The following TBC1D16 variants were observed in gnomAD, a reference collection of about 807,000 sequenced individuals.
The protein encoded by TBC1D16 is TBC1 domain family member 16, also known as CTD-2529O21.1.
Under a neutral mutation model 74.7 loss-of-function variants are expected in TBC1D16, and 58 were observed. The observed-to-expected ratio is 0.78, with a 90% confidence interval of 0.63 to 0.97. The LOEUF is 0.97. Ranked by LOEUF, TBC1D16 falls within the 50% of genes least tolerant of loss-of-function variation. The pLI, the probability that TBC1D16 is intolerant of heterozygous loss-of-function variation, is 0.00. For synonymous variants in TBC1D16, 493 were observed against 474.7 expected (o/e 1.04, Z -0.50); for missense variants, 1,014 against 1,079.5 (o/e 0.94, Z 0.85).
chr17:80,011,632 G>A lies in TBC1D16; in HGVS notation c.182-875C>T, dbSNP rs534250111. Among the ~76,000 whole-genome samples the A allele has an allele frequency of 1.2e-4, 19 of 152,184 alleles. No homozygotes were observed. In the South Asian group the frequency reaches 2.7e-3, roughly 22 times the overall value. On this transcript the variant is annotated intron_variant, in intron 2 of 11. Coordinates refer to ENST00000310924, the MANE Select transcript of TBC1D16 (RefSeq NM_019020.4). ...ACGAGGTCAGGAGATCGAGACCATC[G>A]TGGCTAACATGGTGAAACCCTGTCT... is the stretch of plus-strand genomic sequence containing the variant.
At position 79,944,917 on chromosome 17, in the gene TBC1D16, G is replaced by A; in HGVS notation, c.1899C>T (p.Ala633=). 1 of 1,550,530 alleles carries A rather than the reference G, an allele frequency of 6.4e-7. No homozygotes were observed. Among genetic ancestry groups the A allele is most frequent in the Non-Finnish European group, 8.7e-7 (1 of 1,147,116 alleles). Residue 633 remains alanine (A), a synonymous_variant, in exon 10 of 12, where the codon GCC becomes GCT. Transcript: ENST00000310924. The surrounding 1 kb of genome is among the most constrained non-coding windows in gnomAD (Gnocchi z 7.7). The part of the protein sequence containing the change: ...EALRIWEACW[A]HYQTDYFHLF... ...CCCCTGCCCTGGTCACCTGGTAGTGGGCCCAGCAGGCCTCCCAGATCCGCA... is the reference window on the plus strand; with the variant it reads ...CCCCTGCCCTGGTCACCTGGTAGTGAGCCCAGCAGGCCTCCCAGATCCGCA...
intron 3 of TBC1D16, among the ~76,000 whole-genome samples, chr17:80,002,149 A>T (rs1014032713): frequency 1.3e-5 from 2 of 152,092 alleles, no homozygotes; most frequent in Non-Finnish European, 2.9e-5. Context: ...TCCTGCAAGG[A>T]TGCTTCCCAG....
chr17:79,992,632 C>T (rs2035113838), intron 3 of TBC1D16, among the ~76,000 whole-genome samples: 1 of 152,246 alleles, frequency 6.6e-6, no homozygotes, highest in Non-Finnish European at 1.5e-5. Flanking sequence ...CGACCACCCA[C>T]CCGGTTTTCG....
rs2034308876 is a variant in TBC1D16, at chr17:79,975,838, G to T, written c.780-23020C>A. On this transcript the variant is annotated intron_variant, in intron 3 of 11. Transcript: ENST00000310924. This position sits in a 1 kb window ranked among gnomAD's most constrained non-coding sequence, Gnocchi z 4.5. The stretch of plus-strand genomic sequence containing the variant: ...ATGAGCCCCACTTTGGAATGACGGG[G>T]TCTGTGCAGAGACCGGGCAGAGCTC... Among the ~76,000 whole-genome samples the T allele has an allele frequency of 6.6e-6, 1 of 152,224 alleles. No homozygotes were observed. The highest frequency in any genetic ancestry group is 2.4e-5 in the African/African-American group (1 of 41,446).
At position 80,013,460 on chromosome 17, in the gene TBC1D16, G is replaced by A. The variant is rs1427442124; in HGVS notation, c.88C>T (p.Pro30Ser). Residue 30 changes from proline (P) to serine (S), a missense_variant, in exon 2 of 12, where the codon CCC (proline) becomes TCC (serine). Coordinates refer to ENST00000310924, the MANE Select transcript of TBC1D16 (RefSeq NM_019020.4). ...LTPGGSGSGSPSVLDGEIIYS... is the reference protein window; with the variant it reads ...LTPGGSGSGSSSVLDGEIIYS... The stretch of plus-strand genomic sequence containing the variant: ...ATGATCTCTCCATCCAGGACAGAGG[G>A]GGACCCGCTGCCGCTGCCACCGGGG... 2 of 1,599,872 alleles carry A rather than the reference G, an allele frequency of 1.3e-6. No individual in the cohort carries two copies. Among genetic ancestry groups the A allele is most frequent in the African/African-American group, 1.3e-5 (1 of 74,744 alleles).
rs558635641 is a variant in TBC1D16, at chr17:79,949,665, A to C, written c.1406+52T>G. The C allele has an allele frequency of 2.1e-5, 33 of 1,575,052 alleles. No individual in the cohort carries two copies. The East Asian group carries it at 7.5e-4, about 36-fold the overall frequency. ...GCACCTCAAATTGCCTTTTCAAATG[A>C]CATTTTCCTCCGCGGCTCGGCGGGG... On this transcript the variant is annotated intron_variant, in intron 7 of 11. Coordinates refer to ENST00000310924, the MANE Select transcript of TBC1D16 (RefSeq NM_019020.4).
chr17:79,987,123 G>A lies in TBC1D16; in HGVS notation c.779+23037C>T, dbSNP rs2034871736. ...CAAGGCAGAACTGGCTGCCCACCAGGGGCAGGAGACTGGATGGTCTTTCCA... is the reference window on the plus strand; with the variant it reads ...CAAGGCAGAACTGGCTGCCCACCAGAGGCAGGAGACTGGATGGTCTTTCCA... On this transcript the variant is annotated intron_variant, in intron 3 of 11. Coordinates refer to ENST00000310924, the MANE Select transcript of TBC1D16 (RefSeq NM_019020.4). This position sits in a 1 kb window ranked among gnomAD's most constrained non-coding sequence, Gnocchi z 5.2. Among the ~76,000 whole-genome samples, 1 of 152,188 alleles carries A rather than the reference G, an allele frequency of 6.6e-6. No individual in the cohort carries two copies. The highest frequency in any genetic ancestry group is 2.4e-5 in the African/African-American group (1 of 41,450).
In TBC1D16 at chr17:79,944,852, G is replaced by A. The variant is rs111701116; in HGVS notation, c.1908+56C>T. The A allele has an allele frequency of 5.5e-3, 8,076 of 1,457,678 alleles. 379 individuals carry two copies. In the African/African-American group the frequency reaches 0.1, roughly 18 times the overall value. The allele number at this position is 1,457,678 out of a possible 1,614,324, so 90.3% of individuals were successfully genotyped here. On this transcript the variant is annotated intron_variant, in intron 10 of 11. Coordinates refer to ENST00000310924, the MANE Select transcript of TBC1D16 (RefSeq NM_019020.4). This position sits in a 1 kb window ranked among gnomAD's most constrained non-coding sequence, Gnocchi z 7.7. ...CAGGGGCAGCAGGCAGGGTGGCCAC[G>A]GTGGTTCAGGGGCCATGGTCCCAAC... is the stretch of plus-strand genomic sequence containing the variant.
At position 79,961,951 on chromosome 17, in the gene TBC1D16, C is replaced by T. The variant is rs935431358; in HGVS notation, c.780-9133G>A. Among the ~76,000 whole-genome samples the T allele has an allele frequency of 2.0e-5, 3 of 152,202 alleles. No individual in the cohort carries two copies. Among genetic ancestry groups the T allele is most frequent in the South Asian group, 4.2e-4 (2 of 4,818 alleles). ...ATCAACAGCCAATGCAGTAATGAAT[C>T]GTGGTCTGTACATACCATGGCATAC... is the stretch of plus-strand genomic sequence containing the variant. On this transcript the variant is annotated intron_variant, in intron 3 of 11. Transcript: ENST00000310924. The surrounding 1 kb of genome is among the most constrained non-coding windows in gnomAD (Gnocchi z 4.8).
At chr17:79,955,666 T>G (rs12451395) in intron 3 of TBC1D16, among the ~76,000 whole-genome samples, 21,380 of 152,196 alleles carry the variant, frequency 0.14, 1,890 homozygotes, top group East Asian at 0.39. Context: ...TGCTATTACA[T>G]TAGAAAGATC....
intron 3 of TBC1D16, among the ~76,000 whole-genome samples, chr17:79,953,874 G>T (rs767051085): frequency 1.3e-5 from 2 of 151,670 alleles, no homozygotes; most frequent in Non-Finnish European, 2.9e-5. Context: ...GGGTTCAAGC[G>T]ATTCTCCTGC....
chr17:79,943,464 C>CA (rs1306299838), intron 10 of TBC1D16, among the ~76,000 whole-genome samples: 1 of 152,190 alleles, frequency 6.6e-6, no homozygotes, highest in Non-Finnish European at 1.5e-5. Context: ...CGGATAGCAT[C>CA]AAAAGCCTTT....
chr17:79,976,556 G>A (rs546279683), intron 3 of TBC1D16, among the ~76,000 whole-genome samples: 2 of 152,180 alleles, frequency 1.3e-5, no homozygotes, highest in East Asian at 1.9e-4. Flanking sequence ...GCTCAAAAGC[G>A]TGAGGGAAAC....
chr17:79,948,316 A>AG (rs2032739481), intron 8 of TBC1D16, among the ~76,000 whole-genome samples: 1 of 151,520 alleles, frequency 6.6e-6, no homozygotes, highest in South Asian at 2.1e-4. Context: ...CCGTCTCAAA[A>AG]AAAAAAAAAA....
At chr17:79,973,703 C>G (rs865982093) in intron 3 of TBC1D16, among the ~76,000 whole-genome samples, 8 of 142,672 alleles carry the variant, frequency 5.6e-5, no homozygotes, top group African/African-American at 2.0e-4. Context: ...GAGCGAGACT[C>G]TGTCTCAAAA....
chr17:80,028,714 C>T (rs2036673539), intron 1 of TBC1D16, among the ~76,000 whole-genome samples: 2 of 150,974 alleles, frequency 1.3e-5, no homozygotes, highest in African/African-American at 4.9e-5. Flanking sequence ...ATCTCCGCCT[C>T]CTGGGTTCAA....
chr17:79,945,231 GC>G (rs1323238677), intron 9 of TBC1D16, 144 bp from the exon 10 acceptor site: 30 of 856,590 alleles, frequency 3.5e-5, no homozygotes, highest in Middle Eastern at 3.6e-4. Flanking sequence ...GCATGTGCCT[GC>G]CCCCCCAACG....
At chr17:79,992,008 G>T (rs2035082166) in intron 3 of TBC1D16, 1 of 152,270 alleles carries the variant, frequency 6.6e-6, no homozygotes, top group Non-Finnish European at 1.5e-5. Flanking sequence ...CCCCATCCTC[G>T]CCGGACCTCA....
chr17:79,933,287 GGGGATA>G lies in TBC1D16; in HGVS notation c.*7566_*7571del. ...TGAGACCTTCCTGTTCTATGTTGGG[GGGGATA>G]CTGAGGGTCCGTCTCACTGGGACGA... On this transcript the variant is annotated 3_prime_UTR_variant, in exon 12 of 12. Transcript: ENST00000310924. 6.6e-6 allele frequency: 1 copy of G among 152,076 alleles called. No individual in the cohort carries two copies. The allele number at this position is 152,076 out of a possible 1,614,324, so 9.4% of individuals were successfully genotyped here. A position where few individuals can be genotyped will look rare whatever the true frequency, so the allele number is the denominator to read the frequency against.
Sources: gnomAD v4.1 joint callset for allele counts (sites outside exome capture counted in the v4.1 genomes callset) on GRCh38, gnomAD v4.1.1 for gene constraint, Gnocchi (gnomAD v3.1) non-coding constraint, MANE v1.5 for transcripts, NCBI Gene and HGNC (gene_info 2026-07-23, HGNC 2026-07-21) for gene names.